Variants in NBAS observed in about 807,000 individuals in gnomAD.
NBAS encodes the protein NAG/BC035112 fusion.
NBAS carries 219 observed loss-of-function variants against 302.5 expected under a neutral mutation model. The ratio of observed to expected loss-of-function variants is 0.72; its 90% CI spans 0.65 to 0.81. NBAS has a LOEUF of 0.81. Ranked by LOEUF, NBAS falls within the 30% of genes least tolerant of loss-of-function variation. The pLI, the probability that NBAS is intolerant of heterozygous loss-of-function variation, is 0.00. For synonymous variants in NBAS, 1,118 were observed against 1,021.6 expected, an observed-to-expected ratio of 1.09 and a Z score of -1.80; for missense variants, 2,932 against 2,841.6, an observed-to-expected ratio of 1.03 and a Z score of -0.72.
At chr2:15,004,155 T>C in the NBAS span, among the ~76,000 whole-genome samples, 1 of 152,246 alleles carries the variant, frequency 6.6e-6, no homozygotes, top group African/African-American at 2.4e-5. Flanking sequence ...AAACTTAGTC[T>C]CCTTCAACGT....
chr2:15,103,576 C>T, the NBAS span, among the ~76,000 whole-genome samples: 3 of 152,228 alleles, frequency 2.0e-5, no homozygotes, highest in Non-Finnish European at 1.5e-5. Flanking sequence ...GAAGATGGAC[C>T]GTGTCTTATG....
At chr2:15,219,578 C>T (rs1666832724) in intron 47 of NBAS, among the ~76,000 whole-genome samples, 2 of 135,632 alleles carry the variant, frequency 1.5e-5, no homozygotes, top group Admixed American at 7.8e-5. Context: ...CATCTTGCAC[C>T]GCCCTTAATC....
the NBAS span, among the ~76,000 whole-genome samples, chr2:15,000,645 A>C: frequency 1.3e-5 from 2 of 152,244 alleles, no homozygotes; most frequent in Admixed American, 1.3e-4. Context: ...CCAAGATTCC[A>C]AGAAATTGTG....
chr2:15,360,770 C>A (rs1207048314), intron 32 of NBAS, among the ~76,000 whole-genome samples: 1 of 151,806 alleles, frequency 6.6e-6, no homozygotes, highest in Non-Finnish European at 1.5e-5. Context: ...TCTTCCACCT[C>A]CACCTATTGT....
intron 23 of NBAS, among the ~76,000 whole-genome samples, chr2:15,418,619 T>C (rs1477544343): frequency 1.3e-5 from 2 of 152,160 alleles, no homozygotes; most frequent in African/African-American, 4.8e-5. Context: ...AAGACAGTAC[T>C]TAGCCAGCCT....
intron 48 of NBAS, among the ~76,000 whole-genome samples, chr2:15,206,582 G>A (rs1030330740): frequency 6.6e-6 from 1 of 152,204 alleles, no homozygotes; most frequent in African/African-American, 2.4e-5. Flanking sequence ...CAGGCCCAGA[G>A]GCCCTAGGAG....
the NBAS span, among the ~76,000 whole-genome samples, chr2:14,931,777 T>G: frequency 6.6e-6 from 1 of 152,170 alleles, no homozygotes; most frequent in African/African-American, 2.4e-5. Flanking sequence ...TTTTGTTCTC[T>G]CTCCAAAAAG....
chr2:15,482,753 G>A (rs146181279), intron 12 of NBAS, among the ~76,000 whole-genome samples: 4 of 151,794 alleles, frequency 2.6e-5, no homozygotes, highest in Admixed American at 2.0e-4. Flanking sequence ...GTCAAGAAGA[G>A]AAGGTAAAAA....
At chr2:14,783,522 C>T in the NBAS span, among the ~76,000 whole-genome samples, 1 of 142,838 alleles carries the variant, frequency 7.0e-6, no homozygotes, top group Non-Finnish European at 1.5e-5. Context: ...TTCCTGTATC[C>T]ATGTGTTCTC....
the NBAS span, among the ~76,000 whole-genome samples, chr2:14,847,502 T>C: frequency 1.6e-5 from 2 of 124,592 alleles, no homozygotes; most frequent in African/African-American, 3.1e-5. Flanking sequence ...GTCAACAACA[T>C]AGATTTCAAA....
intron 46 of NBAS, 140 bp from the exon 47 acceptor site, chr2:15,232,651 G>A: frequency 1.4e-6 from 1 of 735,064 alleles, no homozygotes; most frequent in Non-Finnish European, 2.3e-6. Flanking sequence ...GCTATGTGAT[G>A]TCTACAAATG....
chr2:15,372,726 C>T (rs1674547231), intron 31 of NBAS, among the ~76,000 whole-genome samples: 1 of 152,160 alleles, frequency 6.6e-6, no homozygotes. Flanking sequence ...TCTTAAAATA[C>T]TCCTCAGTCA....
At chr2:14,819,865 A>C in the NBAS span, among the ~76,000 whole-genome samples, 4 of 152,264 alleles carry the variant, frequency 2.6e-5, no homozygotes, top group African/African-American at 7.2e-5. Context: ...ATTGGAATAG[A>C]CATTTCTCAA....
chr2:15,184,272 G>T (rs1292251492), intron 50 of NBAS, among the ~76,000 whole-genome samples: 2 of 152,012 alleles, frequency 1.3e-5, no homozygotes, highest in Admixed American at 6.6e-5. Flanking sequence ...TTATTCCATG[G>T]ACTATGGAAT....
intron 28 of NBAS, among the ~76,000 whole-genome samples, chr2:15,393,199 T>C (rs1466707917): frequency 3.3e-5 from 5 of 151,802 alleles, no homozygotes; most frequent in Non-Finnish European, 5.9e-5. Flanking sequence ...AAAGTACAAA[T>C]TGATTAAAAG....
chr2:15,277,125 T>C (rs759714378), intron 42 of NBAS, 24 bp from the exon 43 acceptor site: 2 of 1,608,938 alleles, frequency 1.2e-6, no homozygotes, highest in Non-Finnish European at 1.7e-6. Flanking sequence ...CCAAAGGAAC[T>C]GTGTTAAGAT....
chr2:15,254,334 A>G (rs1252482196), intron 44 of NBAS, among the ~76,000 whole-genome samples: 1 of 152,138 alleles, frequency 6.6e-6, no homozygotes, highest in Non-Finnish European at 1.5e-5. Context: ...GAAGGCTTCA[A>G]TTGATTAAGT....
At chr2:15,515,564 A>G (rs569124457) in intron 9 of NBAS, among the ~76,000 whole-genome samples, 19 of 152,300 alleles carry the variant, frequency 1.2e-4, no homozygotes, top group Admixed American at 1.0e-3. Flanking sequence ...ACCCCAATTC[A>G]AGACTCCATT....
At chr2:15,129,070 C>A in the NBAS span, among the ~76,000 whole-genome samples, 1 of 152,254 alleles carries the variant, frequency 6.6e-6, no homozygotes, top group Non-Finnish European at 1.5e-5. Flanking sequence ...CCAGCTGATG[C>A]ACAGCCGCAG....
Sources: gnomAD v4.1 joint callset for allele counts (sites outside exome capture counted in the v4.1 genomes callset) on GRCh38, gnomAD v4.1.1 for gene constraint, MANE v1.5 for transcripts, NCBI Gene and HGNC (gene_info 2026-07-23, HGNC 2026-07-21) for gene names.